FLNB: variants seen among roughly 807,000 people sequenced by gnomAD.
The protein encoded by FLNB is filamin B.
Under a neutral mutation model 250.6 loss-of-function variants are expected in FLNB, and 111 were observed. The observed-to-expected ratio is 0.44, with a 90% CI of 0.38 to 0.52. FLNB has a LOEUF of 0.52. Among genes scored for constraint, FLNB ranks in the 20% least tolerant of loss-of-function variants. The pLI, the probability that FLNB is intolerant of heterozygous loss-of-function variation, is 0.00. For missense variants in FLNB, 2,869 were observed against 3,447.8 expected, an observed-to-expected ratio of 0.83 and a Z score of 4.20; for synonymous variants, 1,302 against 1,372.1, an observed-to-expected ratio of 0.95 and a Z score of 1.13.
At chr3:58,107,337 C>G (rs1252658301) in intron 12 of FLNB, among the ~76,000 whole-genome samples, 1 of 152,128 alleles carries the variant, frequency 6.6e-6, no homozygotes, top group Non-Finnish European at 1.5e-5. Flanking sequence ...CAGCCCAGGC[C>G]TACATTTGAA....
chr3:58,165,739 A>C (rs1289912296), intron 43 of FLNB: 1 of 152,128 alleles, frequency 6.6e-6, no homozygotes, highest in Non-Finnish European at 1.5e-5. Context: ...GCCGCTGAGC[A>C]ATTTTCCTAA....
Position 58,054,248 on chromosome 3 carries a change from C to T in FLNB, c.293-22798C>T, listed in dbSNP as rs146499666. On this transcript the variant is annotated intron_variant, in intron 1 of 45. Coordinates refer to ENST00000295956, the MANE Select transcript of FLNB (RefSeq NM_001457.4). ...ATTTGACTGTTCTACCCTCCAGTCA[C>T]GTGGCTAAATTAATTAAATCAAATT... 1.1e-4 allele frequency among the ~76,000 whole-genome samples: 17 copies of T among 152,260 alleles called. No homozygotes were observed. In the South Asian group the frequency reaches 1.7e-3, roughly 15 times the overall value.
intron 27 of FLNB, 42 bp from the exon 28 acceptor site, chr3:58,135,937 A>G (rs749736280): frequency 6.2e-7 from 1 of 1,601,222 alleles, no homozygotes; most frequent in Non-Finnish European, 8.5e-7. Flanking sequence ...TGTTTTCTAC[A>G]TCTTGACAAC....
At position 58,146,653 on chromosome 3, in the gene FLNB, G is replaced by A. The variant is rs114261034; in HGVS notation, c.5555-167G>A. The A allele has an allele frequency of 3.6e-3, 2,492 of 695,548 alleles. 37 individuals carry two copies. The African/African-American group carries it at 0.039, about 11-fold the overall frequency. 43.1% of individuals were successfully genotyped at this position (695,548 alleles called of 1,614,324 possible). On this transcript the variant is annotated intron_variant, in intron 33 of 45. Coordinates refer to ENST00000295956, the MANE Select transcript of FLNB (RefSeq NM_001457.4). ...TCTTCTCAGTGGGTGTTTTTACTGCGTGGACTGCTTCATTCTGACAGATGT... is the reference window on the plus strand; with the variant it reads ...TCTTCTCAGTGGGTGTTTTTACTGCATGGACTGCTTCATTCTGACAGATGT...
intron 8 of FLNB, among the ~76,000 whole-genome samples, chr3:58,100,571 T>TTTTTTC (rs1235264744): frequency 2.2e-4 from 32 of 146,220 alleles, no homozygotes; most frequent in African/African-American, 7.5e-4. Flanking sequence ...TTTACCCTTT[T>TTTTTTC]TTTTTCTTTT....
At chr3:58,029,998 G>A (rs1412671945) in intron 1 of FLNB, among the ~76,000 whole-genome samples, 2 of 152,210 alleles carry the variant, frequency 1.3e-5, no homozygotes, top group Admixed American at 6.5e-5. Flanking sequence ...TGAGACATGG[G>A]AAGAAGTCAG....
Position 58,148,221 on chromosome 3 carries a change from G to A in FLNB, c.5744G>A (p.Cys1915Tyr), listed in dbSNP as rs2097338981. The A allele has an allele frequency of 1.2e-6, 2 of 1,614,124 alleles. No homozygotes were observed. Among genetic ancestry groups the A allele is most frequent in the African/African-American group, 1.3e-5 (1 of 74,944 alleles). The change falls in exon 35 of 46, where the codon TGC becomes TAC. Residue 1915 changes from cysteine to tyrosine, a missense_variant. Cys to Tyr is a radical substitution (Grantham distance 194). This residue lies in a region of FLNB where 1,084 missense variants were observed against 1,315.5 expected (regional missense o/e 0.82). Transcript: ENST00000295956. ...TGTTTCCCAGATGACAGCAGGCGGT[G>A]CTCCCAGGTGAAGTTGGGCTCAGCC... ...TAKITDDSRR[C>Y]SQVKLGSAAD...
chr3:58,071,072 A>C (rs2097193716), intron 1 of FLNB, among the ~76,000 whole-genome samples: 1 of 149,668 alleles, frequency 6.7e-6, no homozygotes, highest in African/African-American at 2.5e-5. Flanking sequence ...TCAGCCTCTC[A>C]AGTACTAGTT....
intron 1 of FLNB, among the ~76,000 whole-genome samples, chr3:58,065,568 A>G (rs3732641): frequency 0.015 from 2,319 of 152,326 alleles, 58 homozygotes; most frequent in East Asian, 0.061. Context: ...AGGATTGCAC[A>G]AGGTGATGCA....
chr3:58,051,218 C>G (rs552544940), intron 1 of FLNB, among the ~76,000 whole-genome samples: 5 of 152,350 alleles, frequency 3.3e-5, no homozygotes, highest in African/African-American at 1.2e-4. Flanking sequence ...TAAGATTTCA[C>G]TATTAGTGGC....
At chr3:58,109,459 C>G in intron 14 of FLNB, 117 bp from the exon 15 acceptor site, 1 of 1,598,094 alleles carries the variant, frequency 6.3e-7, no homozygotes, top group Non-Finnish European at 8.6e-7. Context: ...TGGAGGGGCC[C>G]GAAGGGCAGA....
chr3:58,054,961 C>T (rs2097167974), intron 1 of FLNB, among the ~76,000 whole-genome samples: 1 of 152,134 alleles, frequency 6.6e-6, no homozygotes, highest in Non-Finnish European at 1.5e-5. Context: ...GTGTGGCCCA[C>T]AAAACCTAAA....
chr3:58,101,258 C>G (rs2097250804), intron 8 of FLNB, among the ~76,000 whole-genome samples: 1 of 152,168 alleles, frequency 6.6e-6, no homozygotes, highest in South Asian at 2.1e-4. Context: ...AGAGTCCCGT[C>G]TTCTGGAGTC....
intron 1 of FLNB, among the ~76,000 whole-genome samples, chr3:58,020,033 C>T (rs1438576036): frequency 6.7e-6 from 1 of 150,306 alleles, no homozygotes; most frequent in Admixed American, 6.7e-5. Context: ...ACAGCACACA[C>T]CATGACACCA....
In FLNB at chr3:58,095,225, G is replaced by GTATTTATTTATTTATTTATT. The variant is rs200336490; in HGVS notation, c.906+274_906+275insTTATTTATTTATTTATTTAT. ...AGGTGCCTTGTCAGTTGAGGTTTAT[G>GTATTTATTTATTTATTTATT]TATGTATTTATTTATTTATTTATTT... On this transcript the variant is annotated intron_variant, in intron 5 of 45. Coordinates refer to ENST00000295956, the MANE Select transcript of FLNB (RefSeq NM_001457.4). Among the ~76,000 whole-genome samples the GTATTTATTTATTTATTTATT allele has an allele frequency of 2.9e-3, 277 of 96,058 alleles. 2 individuals carry two copies. Among genetic ancestry groups the GTATTTATTTATTTATTTATT allele is most frequent in the East Asian group, 0.01 (9 of 870 alleles). The allele number at this position is 96,058 out of a possible 152,430, so 63.0% of individuals were successfully genotyped here.
At chr3:58,029,107 G>C (rs1307554330) in intron 1 of FLNB, among the ~76,000 whole-genome samples, 1 of 151,962 alleles carries the variant, frequency 6.6e-6, no homozygotes, top group Non-Finnish European at 1.5e-5. Flanking sequence ...GTCATTGTTT[G>C]TTGTTTTTAT....
At chr3:58,031,344 G>A (rs2097130681) in intron 1 of FLNB, among the ~76,000 whole-genome samples, 1 of 151,968 alleles carries the variant, frequency 6.6e-6, no homozygotes, top group African/African-American at 2.4e-5. Flanking sequence ...CCGGGTTCGC[G>A]CCATTCTCCT....
intron 43 of FLNB, 198 bp downstream of exon 43, chr3:58,163,528 G>A: frequency 3.3e-6 from 2 of 601,238 alleles, no homozygotes; most frequent in South Asian, 2.0e-5. Flanking sequence ...CAGAGTGAGA[G>A]CTCGATGGCC....
Position 58,125,557 on chromosome 3 carries a change from G to A in FLNB, c.3899-24G>A, listed in dbSNP as rs114259778. 2,459 of 1,613,282 alleles carry A rather than the reference G, an allele frequency of 1.5e-3. 30 individuals are homozygous for A. In the African/African-American group the frequency reaches 0.022, roughly 15 times the overall value. On this transcript the variant is annotated intron_variant, in intron 22 of 45. Coordinates refer to ENST00000295956, the MANE Select transcript of FLNB (RefSeq NM_001457.4). Reference sequence around the variant, plus strand: ...ATAGGGGATTTGTATGCAAATATGCGTTTCTGTTTGTTGTTTTGAGCAGGT... The same window carrying A: ...ATAGGGGATTTGTATGCAAATATGCATTTCTGTTTGTTGTTTTGAGCAGGT...
Sources: allele counts gnomAD v4.1 joint callset (sites outside exome capture counted in the v4.1 genomes callset), GRCh38; gene constraint gnomAD v4.1.1; regional missense constraint gnomAD v4.1.1; transcripts MANE v1.5; gene names NCBI Gene and HGNC (gene_info 2026-07-23, HGNC 2026-07-21).